The following ARHGEF7 variants were observed in gnomAD, a reference collection of about 807,000 sequenced individuals.
ARHGEF7 encodes Rho guanine nucleotide exchange factor 7.
Under a neutral mutation model 109.8 loss-of-function variants are expected in ARHGEF7, and 33 were observed. That is an observed-to-expected ratio of 0.30 (90% CI 0.23 to 0.40). The LOEUF is 0.40. ARHGEF7 is among the 10% of genes least tolerant of loss of function. ARHGEF7 has a pLI of 1.00. For missense variants in ARHGEF7, 938 were observed against 1,098.5 expected, an observed-to-expected ratio of 0.85 and a Z score of 2.07; for synonymous variants, 458 against 424.6, an observed-to-expected ratio of 1.08 and a Z score of -0.97.
chr13:111,153,815 T>A, intron 1 of ARHGEF7, 90 bp from the exon 2 acceptor site: 1 of 1,496,432 alleles, frequency 6.7e-7, no homozygotes, highest in African/African-American at 1.5e-5. Context: ...CCCGCTGTGT[T>A]GGGAGCGCGG....
At chr13:111,171,402 G>A (rs1340800754) in intron 2 of ARHGEF7, among the ~76,000 whole-genome samples, 1 of 152,168 alleles carries the variant, frequency 6.6e-6, no homozygotes, top group African/African-American at 2.4e-5. Flanking sequence ...GCTCTTTGGT[G>A]ACAGTCTTTG....
At chr13:111,242,720 A>T (rs2088008330) in intron 6 of ARHGEF7, among the ~76,000 whole-genome samples, 2 of 152,230 alleles carry the variant, frequency 1.3e-5, no homozygotes. Flanking sequence ...GGTGCGGTGC[A>T]GTGGCAGGAG....
intron 2 of ARHGEF7, among the ~76,000 whole-genome samples, chr13:111,187,852 T>G (rs1018506344): frequency 1.3e-5 from 2 of 152,168 alleles, no homozygotes; most frequent in Non-Finnish European, 2.9e-5. Context: ...TGACATCCAG[T>G]GTGAAGGTGT....
intron 19 of ARHGEF7, among the ~76,000 whole-genome samples, chr13:111,299,337 ATTTTTTT>A (rs936360326): frequency 2.9e-4 from 31 of 106,104 alleles, no homozygotes; most frequent in Admixed American, 8.1e-4. Flanking sequence ...GAAGCCATTC[ATTTTTTT>A]TTTTTTTTTT....
chr13:111,262,080 A>G (rs980946612), intron 8 of ARHGEF7, among the ~76,000 whole-genome samples: 1 of 152,208 alleles, frequency 6.6e-6, no homozygotes, highest in Non-Finnish European at 1.5e-5. Flanking sequence ...ACCAAACCCA[A>G]AATTGTAGAA....
intron 17 of ARHGEF7, among the ~76,000 whole-genome samples, chr13:111,287,080 C>G (rs1047648149): frequency 2.9e-4 from 44 of 152,346 alleles, no homozygotes; most frequent in Admixed American, 1.0e-3. Flanking sequence ...CTGGCCTCCC[C>G]TCACCGCCAC....
At chr13:111,295,234 G>A in intron 19 of ARHGEF7, 6 of 981,888 alleles carry the variant, frequency 6.1e-6, no homozygotes, top group Non-Finnish European at 7.3e-6. Context: ...GAGGGGAATA[G>A]CATAGTTTGC....
intron 4 of ARHGEF7, among the ~76,000 whole-genome samples, chr13:111,213,396 G>T (rs2082733244): frequency 6.6e-6 from 1 of 152,130 alleles, no homozygotes; most frequent in Non-Finnish European, 1.5e-5. Flanking sequence ...TGTATTGTGT[G>T]CATACAGCGT....
intron 8 of ARHGEF7, among the ~76,000 whole-genome samples, chr13:111,253,852 G>T (rs1474626350): frequency 6.6e-6 from 1 of 152,142 alleles, no homozygotes; most frequent in Non-Finnish European, 1.5e-5. Context: ...ATGACCTCTC[G>T]CAACCCAGTT....
chr13:111,241,852 C>A (rs1012782556), intron 6 of ARHGEF7, among the ~76,000 whole-genome samples: 7 of 152,182 alleles, frequency 4.6e-5, no homozygotes, highest in African/African-American at 1.7e-4. Context: ...TATTTCCTAT[C>A]TTTAACATTG....
At chr13:111,246,253 T>C (rs765805546) in intron 8 of ARHGEF7, among the ~76,000 whole-genome samples, 2 of 152,266 alleles carry the variant, frequency 1.3e-5, no homozygotes, top group Non-Finnish European at 2.9e-5. Flanking sequence ...ATTTTATTTT[T>C]AAATTATCTT....
At chr13:111,232,011 G>A (rs548485216) in intron 5 of ARHGEF7, among the ~76,000 whole-genome samples, 1 of 152,096 alleles carries the variant, frequency 6.6e-6, no homozygotes, top group Admixed American at 6.5e-5. Context: ...AACAGAATCC[G>A]TAGAACCAAT....
chr13:111,134,447 A>G (rs2074984931), intron 1 of ARHGEF7, among the ~76,000 whole-genome samples: 1 of 152,186 alleles, frequency 6.6e-6, no homozygotes, highest in Non-Finnish European at 1.5e-5. Flanking sequence ...CATCCTCTCC[A>G]GCACCTGTTG....
At chr13:111,233,868 TAAATC>T (rs1222310801) in intron 6 of ARHGEF7, among the ~76,000 whole-genome samples, 4 of 152,358 alleles carry the variant, frequency 2.6e-5, no homozygotes, top group African/African-American at 7.2e-5. Context: ...CTAATGCTAT[TAAATC>T]AAATGTATAG....
At chr13:111,153,682 A>AG (rs1389284643) in intron 1 of ARHGEF7, 2 of 1,237,862 alleles carry the variant, frequency 1.6e-6, no homozygotes, top group South Asian at 5.2e-5. Context: ...TGGTGCGGGA[A>AG]GGGGCAGAGA....
intron 1 of ARHGEF7, among the ~76,000 whole-genome samples, chr13:111,122,366 C>T (rs757252222): frequency 5.9e-5 from 9 of 152,250 alleles, no homozygotes; most frequent in East Asian, 3.8e-4. Context: ...GGGGCCGCCC[C>T]GGTCCGACTG....
intron 1 of ARHGEF7, among the ~76,000 whole-genome samples, chr13:111,121,118 G>A (rs1433844260): frequency 6.6e-6 from 1 of 152,188 alleles, no homozygotes; most frequent in Non-Finnish European, 1.5e-5. Context: ...GCCCTCAGGA[G>A]TGCCTGGAGC....
intron 2 of ARHGEF7, chr13:111,202,964 A>G (rs867553410): frequency 3.1e-6 from 2 of 640,668 alleles, no homozygotes; most frequent in Middle Eastern, 6.3e-4. Context: ...CTCTGATGTC[A>G]TATTGAAGCC....
rs571056884 is a variant in ARHGEF7 at position 111,228,871 on chromosome 13, C to T, written c.671-4334C>T. On this transcript the variant is annotated intron_variant, in intron 5 of 21. Transcript: ENST00000646102. This position sits in a 1 kb window ranked among gnomAD's most constrained non-coding sequence, Gnocchi z 4.6. The stretch of plus-strand genomic sequence containing the variant: ...TGTCTGCTCTGGTGGTTGAAGCCAG[C>T]GGTGATGATTAACTCTGGACTTTGC... Among the ~76,000 whole-genome samples the T allele has an allele frequency of 3.4e-4, 52 of 152,086 alleles. No individual in the cohort carries two copies. The highest frequency in any genetic ancestry group is 1.3e-3 in the African/African-American group (52 of 41,470).
Sources: allele counts gnomAD v4.1 joint callset (sites outside exome capture counted in the v4.1 genomes callset), GRCh38; gene constraint gnomAD v4.1.1; non-coding constraint Gnocchi (gnomAD v3.1); transcripts MANE v1.5; gene names NCBI Gene and HGNC (gene_info 2026-07-23, HGNC 2026-07-21).